TTYH3: variants seen among roughly 807,000 people sequenced by gnomAD.
The protein encoded by TTYH3 is tweety family member 3.
A neutral mutation model predicts 68.2 loss-of-function variants in TTYH3; 23 were observed. The observed-to-expected ratio is 0.34, with a 90% confidence interval of 0.24 to 0.48. TTYH3 has a LOEUF of 0.48. Among genes scored for constraint, TTYH3 ranks in the 20% least tolerant of loss-of-function variants. The pLI, the probability that TTYH3 is intolerant of heterozygous loss-of-function variation, is 0.99. For missense variants in TTYH3, 768 were observed against 727.7 expected, an observed-to-expected ratio of 1.06 and a Z score of -0.64; for synonymous variants, 360 against 332.8, an observed-to-expected ratio of 1.08 and a Z score of -0.89.
chr7:2,652,333 C>G, intron 8 of TTYH3, 91 bp downstream of exon 8: 2 of 1,144,610 alleles, frequency 1.7e-6, no homozygotes, highest in Non-Finnish European at 2.6e-6. Context: ...GCGCCTGGCT[C>G]CTCAGCCTGC....
chr7:2,653,083 C>A, intron 9 of TTYH3, 73 bp downstream of exon 9: 1 of 1,411,872 alleles, frequency 7.1e-7, no homozygotes, highest in Non-Finnish European at 9.7e-7. Context: ...ATTTGTGGTG[C>A]AAACACAGCT....
chr7:2,651,976 G>A (rs13225657), intron 7 of TTYH3, among the ~76,000 whole-genome samples: 38,101 of 152,054 alleles, frequency 0.25, 4,832 homozygotes, highest in African/African-American at 0.28. Flanking sequence ...ACCGGCACAC[G>A]TGCACACGAA....
In TTYH3 at chr7:2,649,943, G is replaced by A. The variant is rs149229320; in HGVS notation, c.826G>A (p.Ala276Thr). 8.2e-4 allele frequency: 1,322 copies of A among 1,613,996 alleles called. 11 individuals are homozygous for A. The African/African-American group carries it at 0.014, about 18-fold the overall frequency. Residue 276 changes from alanine (A) to threonine (T), a missense_variant, in exon 7 of 14, where the codon GCC becomes ACC. Physicochemically the swap from Ala to Thr is moderately conservative, Grantham distance 58. Coordinates refer to ENST00000258796, the MANE Select transcript of TTYH3 (RefSeq NM_025250.3). ...CAGCGACTTCTGTGTGGACCCTGACGCCTACGTGACCAAAATGGTGGAGGA... is the reference window on the plus strand; with the variant it reads ...CAGCGACTTCTGTGTGGACCCTGACACCTACGTGACCAAAATGGTGGAGGA... ...GSSDFCVDPD[A>T]YVTKMVEEYS...
At chr7:2,637,087 G>C (rs1425627260) in intron 1 of TTYH3, among the ~76,000 whole-genome samples, 1 of 152,114 alleles carries the variant, frequency 6.6e-6, no homozygotes, top group Admixed American at 6.5e-5. Context: ...GGCCACTCCA[G>C]TCTGTGTGTG....
At chr7:2,634,531 G>A (rs1785607765) in intron 1 of TTYH3, among the ~76,000 whole-genome samples, 1 of 150,992 alleles carries the variant, frequency 6.6e-6, no homozygotes, top group Non-Finnish European at 1.5e-5. Context: ...CCCTGCTGGG[G>A]AGTGGGCATC....
intron 5 of TTYH3, 27 bp from the exon 6 acceptor site, chr7:2,649,540 G>A (rs1786101171): frequency 1.3e-6 from 2 of 1,559,798 alleles, no homozygotes; most frequent in African/African-American, 2.7e-5. Flanking sequence ...TGGCCTGGGG[G>A]CTGCTGACTG....
intron 13 of TTYH3, among the ~76,000 whole-genome samples, chr7:2,660,818 G>T (rs1441617532): frequency 6.6e-6 from 1 of 152,142 alleles, no homozygotes; most frequent in African/African-American, 2.4e-5. Flanking sequence ...CCTCACTGCC[G>T]CCGGCCCCTG....
At chr7:2,653,577 T>TA (rs1370577390) in intron 9 of TTYH3, among the ~76,000 whole-genome samples, 3 of 152,112 alleles carry the variant, frequency 2.0e-5, no homozygotes, top group Non-Finnish European at 4.4e-5. Flanking sequence ...AAAAATAAAA[T>TA]AAAGGCCTGG....
intron 5 of TTYH3, chr7:2,648,388 C>T (rs1180224289): frequency 3.3e-5 from 9 of 276,066 alleles, no homozygotes; most frequent in Non-Finnish European, 6.1e-5. Flanking sequence ...GCTCCTTCCT[C>T]CACCCCTTCC....
At chr7:2,648,590 G>C (rs935699447) in intron 5 of TTYH3, 1 of 153,100 alleles carries the variant, frequency 6.5e-6, no homozygotes, top group Non-Finnish European at 1.5e-5. Context: ...CATGGCTGGT[G>C]CCTCCCTGGG....
rs764433158 is a variant in TTYH3, at chr7:2,632,312, GACCCC to G, written c.123+36_123+40del. ...GGCCTCTCGGGGTCGCGGGGTCAGG[GACCCC>G]AGGTCACGGCCCCCTCCTCTCCCAG... On this transcript the variant is annotated intron_variant, in intron 1 of 13. Coordinates refer to ENST00000258796, the MANE Select transcript of TTYH3 (RefSeq NM_025250.3). 3.7e-5 allele frequency: 56 copies of G among 1,529,476 alleles called. No individual in the cohort carries two copies. The South Asian group carries it at 6.3e-4, about 17-fold the overall frequency. 94.7% of individuals were successfully genotyped at this position (1,529,476 alleles called of 1,614,324 possible).
intron 1 of TTYH3, among the ~76,000 whole-genome samples, chr7:2,639,325 G>A (rs1005470462): frequency 5.9e-5 from 9 of 152,190 alleles, no homozygotes; most frequent in Non-Finnish European, 7.3e-5. Context: ...GACGTTTGCC[G>A]CCTGGACCCT....
In TTYH3 at chr7:2,645,196, C is replaced by T. The variant is rs770624155; in HGVS notation, c.124-1657C>T. 1.3e-5 allele frequency among the ~76,000 whole-genome samples: 2 copies of T among 152,222 alleles called. No homozygotes were observed. Among genetic ancestry groups the T allele is most frequent in the Admixed American group, 1.3e-4 (2 of 15,286 alleles). ...TGAGGCGCAGCCCTGTATCAGCTCC[C>T]CATCCCTCCCCCGGCACAGGAAGTG... On this transcript the variant is annotated intron_variant, in intron 1 of 13. Transcript: ENST00000258796. This position sits in a 1 kb window ranked among gnomAD's most constrained non-coding sequence, Gnocchi z 4.8.
intron 1 of TTYH3, among the ~76,000 whole-genome samples, chr7:2,643,986 G>A (rs1785918844): frequency 6.6e-6 from 1 of 152,160 alleles, no homozygotes; most frequent in African/African-American, 2.4e-5. Context: ...GGGAGCGAGG[G>A]TGACTCCAGC....
chr7:2,647,822 G>A (rs760284258), intron 4 of TTYH3, 137 bp from the exon 5 acceptor site: 1 of 1,123,908 alleles, frequency 8.9e-7, no homozygotes, highest in East Asian at 2.6e-5. Context: ...ACTGACACCA[G>A]TCCCCATGAC....
In TTYH3 at chr7:2,661,786, G is replaced by A. The variant is rs761760908; in HGVS notation, c.*47G>A. 76 of 1,571,678 alleles carry A rather than the reference G, an allele frequency of 4.8e-5. 1 individual carries two copies. In the South Asian group the frequency reaches 5.3e-4, roughly 11 times the overall value. On this transcript the variant is annotated 3_prime_UTR_variant, in exon 14 of 14. Coordinates refer to ENST00000258796, the MANE Select transcript of TTYH3 (RefSeq NM_025250.3). ...CCCCACGTGCCAACTTCCCCTCCCC[G>A]TGCCAGCACTGCCGCTTCCACCTGG...
At position 2,649,918 on chromosome 7, in the gene TTYH3, C is replaced by T. The variant is rs1202203526; in HGVS notation, c.801C>T (p.Ser267=). The change falls in exon 7 of 14, where the codon TCC becomes TCT. Residue 267 remains serine (S), a synonymous_variant. Coordinates refer to ENST00000258796, the MANE Select transcript of TTYH3 (RefSeq NM_025250.3). ...CTTGCCCACGCCCACCTCAGGGCTCCAGCGACTTCTGTGTGGACCCTGACG... is the reference window on the plus strand; with the variant it reads ...CTTGCCCACGCCCACCTCAGGGCTCTAGCGACTTCTGTGTGGACCCTGACG... ...LGLELAVSVG[S]SDFCVDPDAY... is the part of the protein sequence containing the mutation. 6.2e-7 allele frequency: 1 copy of T among 1,613,910 alleles called. No individual in the cohort carries two copies.
chr7:2,661,673 C>G lies in TTYH3; in HGVS notation c.1506C>G (p.Thr502=), dbSNP rs751270711. The G allele has an allele frequency of 7.4e-6, 12 of 1,612,286 alleles. No homozygotes were observed. The South Asian group carries it at 1.2e-4, about 16-fold the overall frequency. Residue 502 remains threonine, a synonymous_variant, in exon 14 of 14, where the codon ACC becomes ACG. Coordinates refer to ENST00000258796, the MANE Select transcript of TTYH3 (RefSeq NM_025250.3). ...IGRESPPPSY[T]SSMRAKYLAT... ...TCCCCCTTGTCTCCCTCCAGTACACCTCCAGCATGAGAGCCAAATACCTCG... is the reference window on the plus strand; with the variant it reads ...TCCCCCTTGTCTCCCTCCAGTACACGTCCAGCATGAGAGCCAAATACCTCG...
chr7:2,660,330 T>C, intron 13 of TTYH3: 1 of 985,340 alleles, frequency 1.0e-6, no homozygotes, highest in Non-Finnish European at 1.2e-6. Flanking sequence ...GCCCCTTCTG[T>C]CACCTCCCAG....
Sources: gnomAD v4.1 joint callset for allele counts (sites outside exome capture counted in the v4.1 genomes callset) on GRCh38, gnomAD v4.1.1 for gene constraint, Gnocchi (gnomAD v3.1) non-coding constraint, MANE v1.5 for transcripts, NCBI Gene and HGNC (gene_info 2026-07-23, HGNC 2026-07-21) for gene names.